Variants in DLG2 observed in about 807,000 individuals in gnomAD.
DLG2 encodes disks large homolog 2.
In DLG2, 45 loss-of-function variants were observed where a neutral mutation model predicts 132.5. The observed-to-expected ratio is 0.34, with a 90% confidence interval of 0.27 to 0.44. DLG2 has a LOEUF of 0.44. Among genes scored for constraint, DLG2 ranks in the 20% least tolerant of loss-of-function variants. DLG2 has a pLI of 1.00. For missense variants in DLG2, 1,045 were observed against 1,196.9 expected, an observed-to-expected ratio of 0.87 and a Z score of 1.87; for synonymous variants, 424 against 419.6, an observed-to-expected ratio of 1.01 and a Z score of -0.13.
intron 3 of DLG2, among the ~76,000 whole-genome samples, chr11:85,398,463 A>T (rs1257153389): frequency 6.6e-6 from 1 of 152,032 alleles, no homozygotes; most frequent in East Asian, 1.9e-4. Flanking sequence ...ACACAAAAAA[A>T]TCTTCAAAAA....
At chr11:84,052,938 C>T (rs369365660) in intron 11 of DLG2, among the ~76,000 whole-genome samples, 1 of 152,064 alleles carries the variant, frequency 6.6e-6, no homozygotes, top group Admixed American at 6.6e-5. Flanking sequence ...AAATATAAAT[C>T]ATTCTATTAT....
chr11:84,619,939 A>G (rs1156704446), intron 6 of DLG2, among the ~76,000 whole-genome samples: 2 of 151,732 alleles, frequency 1.3e-5, no homozygotes, highest in Non-Finnish European at 3.0e-5. Context: ...AATTTTCACA[A>G]GTTTCCAAGT....
chr11:84,534,814 A>G, intron 6 of DLG2, 83 bp from the exon 7 acceptor site: 2 of 1,476,058 alleles, frequency 1.4e-6, no homozygotes, highest in Non-Finnish European at 1.9e-6. Flanking sequence ...TTCTAACTTC[A>G]TCAATAGGAC....
At chr11:84,028,925 T>G (rs1443334603) in intron 11 of DLG2, among the ~76,000 whole-genome samples, 1 of 152,110 alleles carries the variant, frequency 6.6e-6, no homozygotes, top group African/African-American at 2.4e-5. Flanking sequence ...GAAAAATTTT[T>G]AAAAATTTTC....
At chr11:83,652,148 T>C in intron 18 of DLG2, 3 of 284,890 alleles carry the variant, frequency 1.1e-5, no homozygotes, top group Non-Finnish European at 2.1e-5. Context: ...TTTTTTGGTG[T>C]GGAATCTTGG....
intron 6 of DLG2, among the ~76,000 whole-genome samples, chr11:85,076,289 TG>T (rs1340140740): frequency 2.6e-5 from 4 of 151,986 alleles, no homozygotes; most frequent in Admixed American, 6.6e-5. Context: ...GTCTGAAAAC[TG>T]TTGATTAAAT....
intron 7 of DLG2, among the ~76,000 whole-genome samples, chr11:84,385,758 A>G (rs1446682168): frequency 6.6e-6 from 1 of 152,102 alleles, no homozygotes; most frequent in Admixed American, 6.5e-5. Flanking sequence ...CTTGAGTCCA[A>G]TGGGAGCCTA....
intron 6 of DLG2, among the ~76,000 whole-genome samples, chr11:84,575,004 C>T (rs1001043748): frequency 1.3e-5 from 2 of 152,092 alleles, no homozygotes; most frequent in African/African-American, 4.8e-5. Flanking sequence ...ATAAAACTTC[C>T]CTGGCTAGAA....
chr11:84,005,076 A>T (rs1009397844), intron 11 of DLG2, among the ~76,000 whole-genome samples: 1 of 151,968 alleles, frequency 6.6e-6, no homozygotes, highest in Non-Finnish European at 1.5e-5. Flanking sequence ...CAAACAAACA[A>T]AAAACAAAGC....
intron 5 of DLG2, among the ~76,000 whole-genome samples, chr11:85,150,459 T>A (rs1295895772): frequency 6.6e-6 from 1 of 152,136 alleles, no homozygotes; most frequent in South Asian, 2.1e-4. Flanking sequence ...GAGTTTTTCA[T>A]CTTGAAAAAC....
In DLG2 at chr11:84,292,351, G is replaced by A. The variant is rs57077436; in HGVS notation, c.520-41060C>T. ...CATCCCCAGAAGATGGGAGTTTTAT[G>A]CTAGGTAAGTTTGAAAAATGGGACT... On this transcript the variant is annotated intron_variant, in intron 7 of 27. Coordinates refer to ENST00000376104, the MANE Select transcript of DLG2 (RefSeq NM_001142699.3). Among the ~76,000 whole-genome samples, 424 of 152,268 alleles carry A rather than the reference G, an allele frequency of 2.8e-3. 6 individuals are homozygous for A. Among genetic ancestry groups the A allele is most frequent in the African/African-American group, 9.7e-3 (401 of 41,550 alleles).
intron 3 of DLG2, among the ~76,000 whole-genome samples, chr11:85,567,872 T>C (rs758182624): frequency 1.6e-4 from 25 of 152,174 alleles, no homozygotes; most frequent in Non-Finnish European, 3.4e-4. Flanking sequence ...TCTGTATCCA[T>C]TGAGACAATC....
chr11:84,654,847 G>A (rs1224329413), intron 6 of DLG2, among the ~76,000 whole-genome samples: 1 of 152,078 alleles, frequency 6.6e-6, no homozygotes, highest in African/African-American at 2.4e-5. Flanking sequence ...CTGGGACCCC[G>A]ATGTAGCTCT....
rs137905403 is a variant in DLG2 at position 84,433,651 on chromosome 11, A to G, written c.519+100919T>C. Among the ~76,000 whole-genome samples, 27 of 152,366 alleles carry G rather than the reference A, an allele frequency of 1.8e-4. No homozygotes were observed. In the South Asian group the frequency reaches 2.1e-3, roughly 12 times the overall value. ...ATGTAGCTTATTTAGAAAAATGTCA[A>G]TGTGAATCACCTAACATCTTTGACT... On this transcript the variant is annotated intron_variant, in intron 7 of 27. Transcript: ENST00000376104.
chr11:84,658,030 GTAATT>G (rs2099690281), intron 6 of DLG2, among the ~76,000 whole-genome samples: 1 of 152,134 alleles, frequency 6.6e-6, no homozygotes, highest in South Asian at 2.1e-4. Context: ...TCTGGACAAT[GTAATT>G]TAAGTAAACA....
rs1351498007 is a variant in DLG2 at position 83,493,336 on chromosome 11, T to TTTCTTTCC, written c.2194-9109_2194-9108insGGAAAGAA. 3.0e-5 allele frequency among the ~76,000 whole-genome samples: 4 copies of TTTCTTTCC among 132,166 alleles called. No individual in the cohort carries two copies. In the East Asian group the frequency reaches 6.6e-4, roughly 22 times the overall value. The allele number at this position is 132,166 out of a possible 152,430, so 86.7% of individuals were successfully genotyped here. ...TTTGCCTTCCTTTGTCTTTTCTTTC[T>TTTCTTTCC]TTCCTTCCTTCCTTCCTTCCTTCCT... On this transcript the variant is annotated intron_variant, in intron 21 of 27. Transcript: ENST00000376104.
chr11:84,841,051 C>T (rs2080603116), intron 6 of DLG2, among the ~76,000 whole-genome samples: 1 of 150,404 alleles, frequency 6.6e-6, no homozygotes, highest in African/African-American at 2.4e-5. Context: ...ATAAACTCTT[C>T]ATTTATTGCC....
chr11:85,194,679 T>C (rs945606378), intron 4 of DLG2, among the ~76,000 whole-genome samples: 4 of 150,000 alleles, frequency 2.7e-5, no homozygotes, highest in African/African-American at 9.9e-5. Context: ...TAAATGCTGG[T>C]ACATCCCTCA....
At chr11:84,094,146 A>G (rs1288476752) in intron 10 of DLG2, among the ~76,000 whole-genome samples, 5 of 152,100 alleles carry the variant, frequency 3.3e-5, no homozygotes, top group Non-Finnish European at 7.4e-5. Context: ...AACTGCTTAC[A>G]TTCAAATTCT....
Sources: gnomAD v4.1 joint callset for allele counts (sites outside exome capture counted in the v4.1 genomes callset) on GRCh38, gnomAD v4.1.1 for gene constraint, MANE v1.5 for transcripts, NCBI Gene and HGNC (gene_info 2026-07-23, HGNC 2026-07-21) for gene names.